Variants in ATP10B observed in about 807,000 individuals in gnomAD.
The protein encoded by ATP10B is phospholipid-transporting ATPase VB.
ATP10B carries 122 observed loss-of-function variants against 141.2 expected under a neutral mutation model. The observed-to-expected ratio is 0.86, with a 90% CI of 0.75 to 1.00. The LOEUF is 1.00. Ranked by LOEUF, ATP10B falls within the 50% of genes least tolerant of loss-of-function variation. ATP10B has a pLI of 0.00. For missense variants in ATP10B, 1,876 were observed against 1,825.3 expected, an observed-to-expected ratio of 1.03 and a Z score of -0.51; for synonymous variants, 685 against 692.0, an observed-to-expected ratio of 0.99 and a Z score of 0.16.
chr5:160,699,697 T>C (rs1581379036), intron 3 of ATP10B, among the ~76,000 whole-genome samples: 2 of 152,204 alleles, frequency 1.3e-5, no homozygotes, highest in South Asian at 4.2e-4. Context: ...AGGAATATAC[T>C]TTTAATCAGC....
intron 3 of ATP10B, among the ~76,000 whole-genome samples, chr5:160,705,016 T>A (rs1290166040): frequency 6.8e-6 from 1 of 147,934 alleles, no homozygotes; most frequent in Non-Finnish European, 1.5e-5. Flanking sequence ...TCTTCTGGGT[T>A]CATGCCATTC....
At chr5:160,810,215 TATTA>T (rs1305587295) in intron 1 of ATP10B, among the ~76,000 whole-genome samples, 7 of 152,266 alleles carry the variant, frequency 4.6e-5, no homozygotes, top group African/African-American at 9.6e-5. Context: ...GTTTTTTGTA[TATTA>T]ATTATGTCAT....
chr5:160,900,274 A>G, the ATP10B span, among the ~76,000 whole-genome samples: 69,820 of 151,508 alleles, frequency 0.46, 17,122 homozygotes, highest in Non-Finnish European at 0.54. Context: ...TTTCTCTTTT[A>G]TTCTTGTTCT....
chr5:160,765,433 C>T (rs576625899), intron 2 of ATP10B, among the ~76,000 whole-genome samples: 3 of 152,056 alleles, frequency 2.0e-5, no homozygotes, highest in South Asian at 2.1e-4. Context: ...AATGGATCTT[C>T]GACAAAGCAA....
At chr5:160,925,342 T>C in the ATP10B span, among the ~76,000 whole-genome samples, 2 of 152,222 alleles carry the variant, frequency 1.3e-5, no homozygotes, top group Non-Finnish European at 2.9e-5. Context: ...CTATCACTAT[T>C]TAAGCTCGTC....
chr5:160,827,714 A>T (rs1258529580), intron 1 of ATP10B, among the ~76,000 whole-genome samples: 1 of 152,220 alleles, frequency 6.6e-6, no homozygotes, highest in African/African-American at 2.4e-5. Context: ...TTGAGGTCTC[A>T]AATTTAAATC....
At position 160,653,007 on chromosome 5, in the gene ATP10B, A is replaced by G. The variant is rs190740908; in HGVS notation, c.676-3751T>C. ...ATACATATTTATATTTATATATTAT[A>G]TATATTTATATTATATATTTATATA... is the stretch of plus-strand genomic sequence containing the variant. On this transcript the variant is annotated intron_variant, in intron 7 of 25. Transcript: ENST00000327245. 9.4e-3 allele frequency among the ~76,000 whole-genome samples: 1,001 copies of G among 106,004 alleles called. 26 individuals carry two copies. The highest frequency in any genetic ancestry group is 0.035 in the African/African-American group (952 of 27,096). 69.5% of individuals were successfully genotyped at this position (106,004 alleles called of 152,430 possible).
At position 160,809,911 on chromosome 5, in the gene ATP10B, T is replaced by C. The variant is rs138261839; in HGVS notation, c.-575-24108A>G. Among the ~76,000 whole-genome samples, 216 of 152,342 alleles carry C rather than the reference T, an allele frequency of 1.4e-3. 1 individual carries two copies. The highest frequency in any genetic ancestry group is 2.6e-3 in the Non-Finnish European group (177 of 68,022). ...TATTGGATATCAGGCTTCTTGGCTC[T>C]TTAGTGACCATTTGGCTTTTCTTTT... On this transcript the variant is annotated intron_variant, in intron 1 of 25. Coordinates refer to ENST00000327245, the MANE Select transcript of ATP10B (RefSeq NM_025153.3).
chr5:160,920,303 C>A, the ATP10B span, among the ~76,000 whole-genome samples: 9 of 152,250 alleles, frequency 5.9e-5, no homozygotes, highest in African/African-American at 2.2e-4. Flanking sequence ...TGCTCAATTG[C>A]TGGATAAAAA....
At chr5:160,783,560 G>GACACAC (rs1455992659) in intron 2 of ATP10B, among the ~76,000 whole-genome samples, 2 of 44,324 alleles carry the variant, frequency 4.5e-5, no homozygotes, top group African/African-American at 1.5e-4. Flanking sequence ...ATATATATAT[G>GACACAC]ATACACACAC....
At chr5:160,653,098 G>T (rs1454952097) in intron 7 of ATP10B, among the ~76,000 whole-genome samples, 4 of 113,654 alleles carry the variant, frequency 3.5e-5, no homozygotes, top group Admixed American at 1.1e-4. Context: ...ATATATACAC[G>T]TGTATATATA....
rs760110312 is a variant in ATP10B, at chr5:160,644,205, C to G, written c.801G>C (p.Glu267Asp). The change falls in exon 9 of 26, where the codon GAG becomes GAC. Residue 267 changes from glutamate to aspartate, a missense_variant. Transcript: ENST00000327245. ...TGGTGCAGCCTCGAAGCAGAAGACT[C>G]TCACAGCCAAAGCCAGTCCTGGTCT... The part of the protein sequence containing the change: ...PDQTRTGFGC[E>D]SLLLRGCTIR... 1.2e-6 allele frequency: 2 copies of G among 1,613,892 alleles called. No individual in the cohort carries two copies. Among genetic ancestry groups the G allele is most frequent in the East Asian group, 4.5e-5 (2 of 44,888 alleles).
chr5:160,751,673 A>C (rs1226587475), intron 2 of ATP10B, among the ~76,000 whole-genome samples: 3 of 152,124 alleles, frequency 2.0e-5, no homozygotes, highest in African/African-American at 7.2e-5. Flanking sequence ...GATGTGTGTC[A>C]CTGGGGCCAT....
At chr5:160,795,571 A>AT (rs11399408) in intron 1 of ATP10B, among the ~76,000 whole-genome samples, 118,021 of 148,628 alleles carry the variant, frequency 0.79, 46,944 homozygotes, top group Middle Eastern at 0.85. Flanking sequence ...GAACCTATGA[A>AT]TTTTTTTTTT....
intron 3 of ATP10B, among the ~76,000 whole-genome samples, chr5:160,715,898 A>G (rs1489554823): frequency 6.6e-6 from 1 of 151,804 alleles, no homozygotes; most frequent in African/African-American, 2.4e-5. Context: ...TTTAGTTGAG[A>G]TGGGGTTTCA....
At chr5:160,699,251 C>T (rs1764544965) in intron 3 of ATP10B, among the ~76,000 whole-genome samples, 2 of 152,148 alleles carry the variant, frequency 1.3e-5, no homozygotes, top group Non-Finnish European at 2.9e-5. Context: ...TTTAACATCC[C>T]TCTAGGCAGA....
intron 1 of ATP10B, among the ~76,000 whole-genome samples, chr5:160,829,671 A>T (rs759544270): frequency 3.3e-5 from 5 of 151,770 alleles, no homozygotes; most frequent in Non-Finnish European, 5.9e-5. Flanking sequence ...GCAATCTTTC[A>T]TCTCATTCGT....
chr5:160,825,051 G>T (rs1003833865), intron 1 of ATP10B, among the ~76,000 whole-genome samples: 1 of 152,002 alleles, frequency 6.6e-6, no homozygotes, highest in East Asian at 1.9e-4. Context: ...TCACCTTTTT[G>T]TTTATGTCAC....
intron 3 of ATP10B, among the ~76,000 whole-genome samples, chr5:160,693,199 G>A (rs1333710416): frequency 6.6e-6 from 1 of 151,908 alleles, no homozygotes; most frequent in East Asian, 1.9e-4. Flanking sequence ...TATACTAGAG[G>A]AAGATAAAAT....
Sources: gnomAD v4.1 joint callset for allele counts (sites outside exome capture counted in the v4.1 genomes callset) on GRCh38, gnomAD v4.1.1 for gene constraint, MANE v1.5 for transcripts, NCBI Gene and HGNC (gene_info 2026-07-23, HGNC 2026-07-21) for gene names.